MCF2L: variants seen among roughly 807,000 people sequenced by gnomAD.
MCF2L encodes the protein MCF.2 cell line derived transforming sequence like, also known as guanine nucleotide exchange factor DBS.
MCF2L carries 97 observed loss-of-function variants against 153.4 expected under a neutral mutation model. The observed-to-expected ratio is 0.63, with a 90% CI of 0.54 to 0.75. MCF2L has a LOEUF of 0.75. Ranked by LOEUF, MCF2L falls within the 30% of genes least tolerant of loss-of-function variation. The probability of loss-of-function intolerance (pLI) is 0.00; values close to 1 mark genes in which losing one functional copy is unlikely to be tolerated. For synonymous variants in MCF2L, 659 were observed against 632.2 expected (o/e 1.04, Z -0.64); for missense variants, 1,347 against 1,495.2 (o/e 0.90, Z 1.64).
chr13:113,022,566 G>A (rs73576816), intron 2 of MCF2L, among the ~76,000 whole-genome samples: 2,131 of 152,364 alleles, frequency 0.014, 25 homozygotes, highest in East Asian at 0.052. Flanking sequence ...CCCGTTTCAG[G>A]GAAAGGAAAG....
In MCF2L at chr13:112,914,356, G is replaced by A. The variant is rs1342275516; in HGVS notation, c.169+11985G>A. On this transcript the variant is annotated intron_variant, in intron 2 of 29. Transcript: ENST00000375608. The stretch of plus-strand genomic sequence containing the variant: ...GGGACTACTCCACATCCATGAAGAA[G>A]CAGCATCCTTATTCTCTTGCACAGT... Among the ~76,000 whole-genome samples the A allele has an allele frequency of 5.9e-5, 9 of 152,214 alleles. No individual in the cohort carries two copies. In the East Asian group the frequency reaches 1.5e-3, roughly 26 times the overall value.
At chr13:112,968,744 C>T, upstream of MCF2L, 1 of 1,382,282 alleles carries the variant, frequency 7.2e-7, no homozygotes, top group Non-Finnish European at 9.3e-7. Flanking sequence ...AGGCGCGGCC[C>T]CGCGGAGGCA....
intron 1 of MCF2L, among the ~76,000 whole-genome samples, chr13:112,975,172 C>T (rs1331471676): frequency 6.6e-6 from 1 of 152,212 alleles, no homozygotes; most frequent in Non-Finnish European, 1.5e-5. Context: ...GGAATGTTTA[C>T]AAGCTAACTG....
At chr13:113,048,081 G>A (rs1239639916) in intron 4 of MCF2L, among the ~76,000 whole-genome samples, 4 of 152,238 alleles carry the variant, frequency 2.6e-5, no homozygotes, top group Non-Finnish European at 5.9e-5. Flanking sequence ...GTATTTCTGC[G>A]AGGTCACCCT....
At chr13:113,025,815 T>G (rs1594726596) in intron 3 of MCF2L, among the ~76,000 whole-genome samples, 2 of 148,770 alleles carry the variant, frequency 1.3e-5, no homozygotes, top group South Asian at 2.1e-4. Context: ...CCCGTGACTG[T>G]GGGTCGGGGC....
intron 1 of MCF2L, among the ~76,000 whole-genome samples, chr13:113,014,107 C>T (rs536869682): frequency 4.6e-5 from 7 of 152,360 alleles, no homozygotes; most frequent in South Asian, 2.1e-4. Context: ...ATGCTCCCCC[C>T]GTGCTCCCAG....
chr13:112,914,331 G>A (rs1488898943), intron 2 of MCF2L, among the ~76,000 whole-genome samples: 2 of 152,164 alleles, frequency 1.3e-5, no homozygotes, highest in African/African-American at 2.4e-5. Flanking sequence ...CTCTGTCTTC[G>A]GGACTACTCC....
chr13:113,047,804 C>T (rs1050328337), intron 4 of MCF2L, among the ~76,000 whole-genome samples: 1 of 152,096 alleles, frequency 6.6e-6, no homozygotes, highest in Admixed American at 6.5e-5. Context: ...ACGTGTGCCC[C>T]GTCCCCTCTG....
rs566982946 is a variant in MCF2L, at chr13:113,001,590, G to T, written c.80-13173G>T. 9.3e-6 allele frequency: 8 copies of T among 858,494 alleles called. No homozygotes were observed. The East Asian group carries it at 3.0e-4, about 33-fold the overall frequency. The allele number at this position is 858,494 out of a possible 1,614,324, so 53.2% of individuals were successfully genotyped here. ...TTTGGCGGAGTGTGGGGCCCCTGCA[G>T]GGAGGGTCTAGACAAGCAACACCAG... On this transcript the variant is annotated intron_variant, in intron 1 of 29. Transcript: ENST00000535094.
intron 2 of MCF2L, among the ~76,000 whole-genome samples, chr13:113,022,928 C>A (rs183065335): frequency 6.6e-6 from 1 of 152,362 alleles, no homozygotes; most frequent in East Asian, 1.9e-4. Context: ...GTGACAGGCA[C>A]GTTCTATTGA....
intron 2 of MCF2L, chr13:112,902,455 C>T (rs980741666): frequency 7.4e-7 from 1 of 1,356,866 alleles, no homozygotes; most frequent in African/African-American, 1.5e-5. Flanking sequence ...TATTCCGGTC[C>T]TTTTAGAGAT....
chr13:113,064,441 C>T lies in MCF2L; in HGVS notation c.606+21C>T, dbSNP rs367784581. 32 of 1,529,268 alleles carry T rather than the reference C, an allele frequency of 2.1e-5. No individual in the cohort carries two copies. Among genetic ancestry groups the T allele is most frequent in the East Asian group, 9.0e-5 (4 of 44,474 alleles). The allele number at this position is 1,529,268 out of a possible 1,614,324, so 94.7% of individuals were successfully genotyped here. A position where few individuals can be genotyped will look rare whatever the true frequency, so the allele number is the denominator to read the frequency against. On this transcript the variant is annotated intron_variant, in intron 6 of 29. Transcript: ENST00000535094. This position sits in a 1 kb window ranked among gnomAD's most constrained non-coding sequence, Gnocchi z 6.0. Reference sequence around the variant, plus strand: ...GCACGGTGAGCCGCGTCGGGGCCAGCGGGGCTGGCTGATACCAGCTCGAGT... The same window carrying T: ...GCACGGTGAGCCGCGTCGGGGCCAGTGGGGCTGGCTGATACCAGCTCGAGT...
intron 2 of MCF2L, among the ~76,000 whole-genome samples, chr13:112,906,480 G>A (rs1018577142): frequency 1.3e-5 from 2 of 152,196 alleles, no homozygotes; most frequent in African/African-American, 2.4e-5. Flanking sequence ...ATGCACACAC[G>A]CATATGTACA....
At chr13:113,036,014 G>A (rs889390712) in intron 3 of MCF2L, among the ~76,000 whole-genome samples, 1 of 152,182 alleles carries the variant, frequency 6.6e-6, no homozygotes, top group Admixed American at 6.5e-5. Context: ...GCCTCAGCAG[G>A]TGGAGGATGG....
intron 2 of MCF2L, among the ~76,000 whole-genome samples, chr13:112,916,636 C>T (rs116718666): frequency 0.013 from 1,924 of 152,230 alleles, 43 homozygotes; most frequent in African/African-American, 0.044. Context: ...TCATGTGTGC[C>T]GAGCATAGCT....
chr13:113,034,717 C>T, intron 3 of MCF2L, among the ~76,000 whole-genome samples: 1 of 152,212 alleles, frequency 6.6e-6, no homozygotes, highest in East Asian at 1.9e-4. Context: ...CTTGCCCTTG[C>T]CCTGGTCTCA....
chr13:113,024,721 T>A lies in MCF2L; in HGVS notation c.241T>A (p.Phe81Ile). ...PAFSEIPDKE[F>I]QNVMTYLTSI... Reference sequence around the variant, plus strand: ...CTTCAGCGAGATTCCGGACAAGGAGTTCCAGAATGTCATGACCTACCTCAC... The same window carrying A: ...CTTCAGCGAGATTCCGGACAAGGAGATCCAGAATGTCATGACCTACCTCAC... The change falls in exon 3 of 30, where the codon TTC (phenylalanine) becomes ATC (isoleucine). Residue 81 changes from phenylalanine (F) to isoleucine (I), a missense_variant. Transcript: ENST00000535094. 2 of 1,614,122 alleles carry A rather than the reference T, an allele frequency of 1.2e-6. No homozygotes were observed. Among genetic ancestry groups the A allele is most frequent in the Non-Finnish European group, 1.7e-6 (2 of 1,180,000 alleles).
intron 13 of MCF2L, among the ~76,000 whole-genome samples, chr13:113,077,652 C>T (rs1360898051): frequency 1.6e-4 from 24 of 152,212 alleles, no homozygotes; most frequent in African/African-American, 5.8e-4. Flanking sequence ...ACCCTGGGCT[C>T]CAGGAGCCCT....
At chr13:112,933,995 A>C (rs759962727) in intron 2 of MCF2L, among the ~76,000 whole-genome samples, 2 of 152,210 alleles carry the variant, frequency 1.3e-5, no homozygotes, top group Non-Finnish European at 2.9e-5. Flanking sequence ...CAAAATTCTC[A>C]TTTTGCTCAT....
Sources: allele counts gnomAD v4.1 joint callset (sites outside exome capture counted in the v4.1 genomes callset), GRCh38; gene constraint gnomAD v4.1.1; non-coding constraint Gnocchi (gnomAD v3.1); transcripts MANE v1.5; gene names NCBI Gene and HGNC (gene_info 2026-07-23, HGNC 2026-07-21).